CHRM5: variants seen among roughly 807,000 people sequenced by gnomAD.
CHRM5 encodes the protein cholinergic receptor muscarinic 5.
A neutral mutation model predicts 39.0 loss-of-function variants in CHRM5; 18 were observed. The observed-to-expected ratio is 0.46, with a 90% CI of 0.32 to 0.68. CHRM5 has a LOEUF of 0.68. CHRM5 is among the 30% of genes least tolerant of loss of function. CHRM5 has a pLI of 0.04. For synonymous variants in CHRM5, 241 were observed against 246.3 expected (o/e 0.98, Z 0.20); for missense variants, 515 against 651.1 (o/e 0.79, Z 2.28).
chr15:34,027,818 T>G (rs1289566298), intron 1 of CHRM5, among the ~76,000 whole-genome samples: 5 of 85,876 alleles, frequency 5.8e-5, no homozygotes, highest in South Asian at 4.6e-4. Flanking sequence ...AAGGATCAGG[T>G]GAGGCTCAAA....
chr15:34,038,989 G>C lies in CHRM5; in HGVS notation c.-407-7551G>C, dbSNP rs1899324291. 9.0e-7 allele frequency: 1 copy of C among 1,115,944 alleles called. No individual in the cohort carries two copies. The highest frequency in any genetic ancestry group is 4.8e-5 in the Admixed American group (1 of 20,674). 69.1% of individuals were successfully genotyped at this position (1,115,944 alleles called of 1,614,324 possible). On this transcript the variant is annotated intron_variant, in intron 1 of 2. Coordinates refer to ENST00000383263, the MANE Select transcript of CHRM5 (RefSeq NM_012125.4). ...CGCTCGCTGTGGCGATCTCCGCCAGGCCGGCCGCGGCCTGGCCGCCGCCCA... is the reference window on the plus strand; with the variant it reads ...CGCTCGCTGTGGCGATCTCCGCCAGCCCGGCCGCGGCCTGGCCGCCGCCCA...
At position 34,063,785 on chromosome 15, in the gene CHRM5, T is replaced by C. The variant is rs780104064; in HGVS notation, c.1068T>C (p.Tyr356=). Residue 356 remains tyrosine, a synonymous_variant, in exon 3 of 3, where the codon TAT becomes TAC. Transcript: ENST00000383263. This position sits in a 1 kb window ranked among gnomAD's most constrained non-coding sequence, Gnocchi z 4.1. The part of the protein sequence containing the change: ...FVKAETEKSD[Y]DTPNYLLSPA... Reference sequence around the variant, plus strand: ...AAGCTGAAACTGAAAAAAGTGACTATGACACCCCAAACTACCTTCTGTCTC... The same window carrying C: ...AAGCTGAAACTGAAAAAAGTGACTACGACACCCCAAACTACCTTCTGTCTC... 9.9e-6 allele frequency: 16 copies of C among 1,614,112 alleles called. No individual in the cohort carries two copies. Among genetic ancestry groups the C allele is most frequent in the Non-Finnish European group, 1.4e-5 (16 of 1,180,046 alleles).
At chr15:34,039,473 ATG>A (rs1437362678) in intron 1 of CHRM5, among the ~76,000 whole-genome samples, 1 of 152,258 alleles carries the variant, frequency 6.6e-6, no homozygotes, top group Non-Finnish European at 1.5e-5. Flanking sequence ...ACATACTAAA[ATG>A]TTAGTGGTTA....
chr15:34,021,578 T>C (rs1420167738), intron 1 of CHRM5, among the ~76,000 whole-genome samples: 2 of 152,036 alleles, frequency 1.3e-5, no homozygotes, highest in East Asian at 1.9e-4. Flanking sequence ...CACATGGCCG[T>C]GTAAGGTGGC....
At chr15:34,000,116 C>T (rs1042853656) in intron 1 of CHRM5, among the ~76,000 whole-genome samples, 1 of 152,198 alleles carries the variant, frequency 6.6e-6, no homozygotes, top group Non-Finnish European at 1.5e-5. Context: ...GCTCCCTCAC[C>T]CTCCTCAGAT....
At chr15:33,996,537 C>T (rs1253421774) in intron 1 of CHRM5, among the ~76,000 whole-genome samples, 1 of 152,202 alleles carries the variant, frequency 6.6e-6, no homozygotes, top group Non-Finnish European at 1.5e-5. Flanking sequence ...GTTCTGCAGC[C>T]TCCGCTGGTG....
In CHRM5 at chr15:34,065,283, A is replaced by C. The variant is rs1198799633; in HGVS notation, c.*967A>C. 6.6e-6 allele frequency: 1 copy of C among 152,158 alleles called. No homozygotes were observed. Among genetic ancestry groups the C allele is most frequent in the Non-Finnish European group, 1.5e-5 (1 of 68,042 alleles). 9.4% of individuals were successfully genotyped at this position (152,158 alleles called of 1,614,324 possible). ...TAAGGTTCTTATATTGTTTTCAGAGATCTTGCTTTCTAATCTCTTCACAGG... is the reference window on the plus strand; with the variant it reads ...TAAGGTTCTTATATTGTTTTCAGAGCTCTTGCTTTCTAATCTCTTCACAGG... On this transcript the variant is annotated 3_prime_UTR_variant, in exon 3 of 3. Transcript: ENST00000383263.
chr15:33,986,388 C>T (rs753313187), intron 1 of CHRM5, among the ~76,000 whole-genome samples: 1 of 151,960 alleles, frequency 6.6e-6, no homozygotes, highest in African/African-American at 2.4e-5. Context: ...GGATTACAGG[C>T]GTAAGCCACC....
In CHRM5 at chr15:34,031,055, A is replaced by T. The variant is rs528940954; in HGVS notation, c.-407-15485A>T. On this transcript the variant is annotated intron_variant, in intron 1 of 2. Coordinates refer to ENST00000383263, the MANE Select transcript of CHRM5 (RefSeq NM_012125.4). ...ACAAACTCTTGGTGTCAGTAACTTGACACAGTTAAATACAAAAATAGAGGA... is the reference window on the plus strand; with the variant it reads ...ACAAACTCTTGGTGTCAGTAACTTGTCACAGTTAAATACAAAAATAGAGGA... Among the ~76,000 whole-genome samples, 8 of 152,264 alleles carry T rather than the reference A, an allele frequency of 5.3e-5. No individual in the cohort carries two copies. In the East Asian group the frequency reaches 1.3e-3, roughly 26 times the overall value.
At chr15:34,019,030 GAT>G (rs924315499) in intron 1 of CHRM5, among the ~76,000 whole-genome samples, 7 of 151,842 alleles carry the variant, frequency 4.6e-5, no homozygotes, top group African/African-American at 1.7e-4. Flanking sequence ...ACAGAGCGCT[GAT>G]TGGTGCGTTT....
At chr15:34,031,168 A>ATTTTTTTTTTTTTTTTT (rs34414446) in intron 1 of CHRM5, among the ~76,000 whole-genome samples, 4 of 67,594 alleles carry the variant, frequency 5.9e-5, no homozygotes, top group Non-Finnish European at 7.6e-5. Context: ...GCTTAGGTTA[A>ATTTTTTTTTTTTTTTTT]TTTTTTTTTT....
rs1369897455 is a variant in CHRM5, at chr15:34,066,183, A to G, written c.*1867A>G. 6.6e-6 allele frequency: 1 copy of G among 152,262 alleles called. No individual in the cohort carries two copies. The highest frequency in any genetic ancestry group is 2.4e-5 in the African/African-American group (1 of 41,472). 9.4% of individuals were successfully genotyped at this position (152,262 alleles called of 1,614,324 possible). ...CACCTGCAAAGAATTCGGTGGGAAC[A>G]GTAATTGGCTCAGTTCTCCAGCACA... On this transcript the variant is annotated 3_prime_UTR_variant, in exon 3 of 3. Transcript: ENST00000383263.
intron 1 of CHRM5, among the ~76,000 whole-genome samples, chr15:34,041,612 A>G (rs1385756702): frequency 6.6e-6 from 1 of 152,220 alleles, no homozygotes; most frequent in Non-Finnish European, 1.5e-5. Flanking sequence ...AGACTCAGTA[A>G]CACTTTTGAA....
chr15:33,997,455 G>A (rs917998771), intron 1 of CHRM5, among the ~76,000 whole-genome samples: 3 of 151,998 alleles, frequency 2.0e-5, no homozygotes, highest in African/African-American at 4.8e-5. Flanking sequence ...CTCCAAAGAC[G>A]AGGTCTCCAC....
chr15:34,047,601 G>C (rs1899758195), intron 2 of CHRM5, among the ~76,000 whole-genome samples: 1 of 152,186 alleles, frequency 6.6e-6, no homozygotes, highest in South Asian at 2.1e-4. Flanking sequence ...GCTCCCAGCG[G>C]GAGGATGACT....
chr15:34,054,497 TA>T (rs1412851693), intron 2 of CHRM5, among the ~76,000 whole-genome samples: 1 of 152,100 alleles, frequency 6.6e-6, no homozygotes, highest in Non-Finnish European at 1.5e-5. Flanking sequence ...TATGCAGCCA[TA>T]AAAAGGAACA....
At chr15:34,017,484 G>GTTTTTTTT (rs60119659) in intron 1 of CHRM5, among the ~76,000 whole-genome samples, 5 of 107,342 alleles carry the variant, frequency 4.7e-5, no homozygotes, top group African/African-American at 1.3e-4. Flanking sequence ...TTTTTTTTTT[G>GTTTTTTTT]TTTTTTTTTT....
intron 1 of CHRM5, among the ~76,000 whole-genome samples, chr15:33,979,395 G>C (rs760537200): frequency 6.6e-6 from 1 of 152,050 alleles, no homozygotes; most frequent in Non-Finnish European, 1.5e-5. Flanking sequence ...TGTAATCCCA[G>C]CTACTCAGGA....
At chr15:34,050,846 T>C (rs1202152098) in intron 2 of CHRM5, among the ~76,000 whole-genome samples, 1 of 152,172 alleles carries the variant, frequency 6.6e-6, no homozygotes, top group Non-Finnish European at 1.5e-5. Flanking sequence ...CCCAGATTCA[T>C]AAAACAAGTT....
Sources: gnomAD v4.1 joint callset for allele counts (sites outside exome capture counted in the v4.1 genomes callset) on GRCh38, gnomAD v4.1.1 for gene constraint, Gnocchi (gnomAD v3.1) non-coding constraint, MANE v1.5 for transcripts, NCBI Gene and HGNC (gene_info 2026-07-23, HGNC 2026-07-21) for gene names.